The following TRIM37 variants were observed in gnomAD, a reference collection of about 807,000 sequenced individuals.
The protein encoded by TRIM37 is tripartite motif containing 37.
In TRIM37, 80 loss-of-function variants were observed where a neutral mutation model predicts 129.8. The observed-to-expected ratio is 0.62, with a 90% confidence interval of 0.51 to 0.74. The LOEUF is 0.74. Ranked by LOEUF, TRIM37 falls within the 30% of genes least tolerant of loss-of-function variation. The pLI is 0.00. For synonymous variants in TRIM37, 389 were observed against 387.1 expected, an observed-to-expected ratio of 1.00 and a Z score of -0.06; for missense variants, 1,054 against 1,176.5, an observed-to-expected ratio of 0.90 and a Z score of 1.52.
chr17:58,981,031 A>T, downstream of TRIM37: 1 of 1,576,978 alleles, frequency 6.3e-7, no homozygotes, highest in Non-Finnish European at 8.6e-7. Flanking sequence ...AAATAGAATA[A>T]TTTTTCTTTC....
rs1272817833 is a variant in TRIM37, at chr17:59,092,746, T to C, written c.124-1406A>G. Reference sequence around the variant, plus strand: ...CTCTTTCTACTTTTTAAAATGAACATGAGCTTTAACTTGATGCCAAATAAT... The same window carrying C: ...CTCTTTCTACTTTTTAAAATGAACACGAGCTTTAACTTGATGCCAAATAAT... On this transcript the variant is annotated intron_variant, in intron 2 of 23. Transcript: ENST00000262294. Among the ~76,000 whole-genome samples the C allele has an allele frequency of 2.0e-5, 3 of 152,182 alleles. No individual in the cohort carries two copies. In the South Asian group the frequency reaches 6.2e-4, roughly 32 times the overall value.
At chr17:59,011,633 C>T (rs1158043140) in intron 22 of TRIM37, among the ~76,000 whole-genome samples, 1 of 152,198 alleles carries the variant, frequency 6.6e-6, no homozygotes, top group African/African-American at 2.4e-5. Context: ...GTTCTAAGCA[C>T]CTCTGTTGCC....
At chr17:59,092,569 A>G (rs1388880059) in intron 2 of TRIM37, among the ~76,000 whole-genome samples, 1 of 152,064 alleles carries the variant, frequency 6.6e-6, no homozygotes, top group Non-Finnish European at 1.5e-5. Flanking sequence ...TACCACATAT[A>G]AAGGAGATGT....
At chr17:59,050,837 C>T (rs1314729848) in intron 14 of TRIM37, among the ~76,000 whole-genome samples, 5 of 151,706 alleles carry the variant, frequency 3.3e-5, no homozygotes, top group South Asian at 2.1e-4. Flanking sequence ...AAAATTAGCC[C>T]GGTGTGGTGG....
At chr17:59,042,445 A>ATATATATATATATATATATAT (rs1220676334) in intron 16 of TRIM37, among the ~76,000 whole-genome samples, 1 of 40,270 alleles carries the variant, frequency 2.5e-5, no homozygotes, top group Non-Finnish European at 4.8e-5. Context: ...AAAAAAAAAA[A>ATATATATATATATATATATAT]AAAAATATAT....
intron 18 of TRIM37, among the ~76,000 whole-genome samples, chr17:59,029,446 TA>T (rs2037596248): frequency 6.6e-6 from 1 of 152,232 alleles, no homozygotes; most frequent in African/African-American, 2.4e-5. Context: ...AACATGACTC[TA>T]GTTCTACTTA....
chr17:59,086,490 C>A (rs766819134), intron 4 of TRIM37, among the ~76,000 whole-genome samples: 1 of 152,130 alleles, frequency 6.6e-6, no homozygotes, highest in Non-Finnish European at 1.5e-5. Flanking sequence ...CCACCCACCC[C>A]GGCCTCCCAA....
intron 22 of TRIM37, among the ~76,000 whole-genome samples, chr17:59,004,053 G>GGTACA (rs2034146545): frequency 6.6e-6 from 1 of 152,028 alleles, no homozygotes; most frequent in African/African-American, 2.4e-5. Flanking sequence ...AGCCTGCAGT[G>GGTACA]AGCTATGATT....
rs773335485 is a variant in TRIM37, at chr17:59,088,268, G to A, written c.281+23C>T. 2.6e-6 allele frequency: 4 copies of A among 1,511,318 alleles called. No individual in the cohort carries two copies. The South Asian group carries it at 4.5e-5, about 17-fold the overall frequency. The allele number at this position is 1,511,318 out of a possible 1,614,324, so 93.6% of individuals were successfully genotyped here. A position where few individuals can be genotyped will look rare whatever the true frequency, so the allele number is the denominator to read the frequency against. On this transcript the variant is annotated intron_variant, in intron 4 of 23. Coordinates refer to ENST00000262294, the MANE Select transcript of TRIM37 (RefSeq NM_015294.6). ...ACAAAGGCAAAATCCATTCAATATT[G>A]AACAAAGAAATTGAGGACATACTTG...
intron 9 of TRIM37, among the ~76,000 whole-genome samples, chr17:59,067,772 G>A (rs539453259): frequency 7.4e-4 from 107 of 144,364 alleles, no homozygotes; most frequent in Non-Finnish European, 1.3e-3. Context: ...CTGACTTCAG[G>A]TGATCCGCCC....
At chr17:59,027,517 C>G (rs944313305) in intron 19 of TRIM37, among the ~76,000 whole-genome samples, 6 of 152,240 alleles carry the variant, frequency 3.9e-5, no homozygotes, top group Non-Finnish European at 8.8e-5. Context: ...TCAAGAAAGG[C>G]TGCTAGACTG....
At chr17:59,022,409 C>G (rs1174824924) in intron 19 of TRIM37, among the ~76,000 whole-genome samples, 1 of 152,118 alleles carries the variant, frequency 6.6e-6, no homozygotes, top group African/African-American at 2.4e-5. Context: ...TGATATAATT[C>G]TACACAGCTT....
downstream of TRIM37, chr17:58,982,549 G>A (rs921280872): frequency 4.3e-6 from 1 of 231,866 alleles, no homozygotes; most frequent in African/African-American, 2.3e-5. Context: ...CATAACAGAG[G>A]ACTAAAATCT....
intron 24 of TRIM37, among the ~76,000 whole-genome samples, chr17:58,990,464 CCAGG>C (rs1276466910): frequency 2.0e-5 from 3 of 151,450 alleles, no homozygotes. Context: ...GCACTCCAGC[CCAGG>C]TGACAGAGTG....
At chr17:58,969,356 C>G in the TRIM37 span, 1 of 710,076 alleles carries the variant, frequency 1.4e-6, no homozygotes, top group African/African-American at 1.7e-5. Context: ...CACAGATACC[C>G]TAATATTGCA....
At chr17:59,081,958 A>ATAAT (rs1555688920) in intron 5 of TRIM37, among the ~76,000 whole-genome samples, 30 of 125,032 alleles carry the variant, frequency 2.4e-4, no homozygotes, top group African/African-American at 6.5e-4. Flanking sequence ...AAAAATAAAA[A>ATAAT]AAAAAAAATA....
At chr17:59,010,602 C>T (rs1418857820) in intron 22 of TRIM37, among the ~76,000 whole-genome samples, 1 of 152,108 alleles carries the variant, frequency 6.6e-6, no homozygotes, top group Non-Finnish European at 1.5e-5. Flanking sequence ...AAGCAATTCT[C>T]CTGCCTCAGC....
the TRIM37 span, among the ~76,000 whole-genome samples, chr17:58,967,513 T>G: frequency 8.7e-5 from 13 of 149,374 alleles, no homozygotes; most frequent in African/African-American, 3.2e-4. Context: ...TGTATATATA[T>G]ATATATAGAG....
chr17:59,045,919 G>A (rs1271328748), intron 16 of TRIM37, among the ~76,000 whole-genome samples: 2 of 152,026 alleles, frequency 1.3e-5, no homozygotes, highest in Non-Finnish European at 2.9e-5. Flanking sequence ...GGGAGGCTGA[G>A]GTGGAAGGAT....
Sources: allele counts gnomAD v4.1 joint callset (sites outside exome capture counted in the v4.1 genomes callset), GRCh38; gene constraint gnomAD v4.1.1; transcripts MANE v1.5; gene names NCBI Gene and HGNC (gene_info 2026-07-23, HGNC 2026-07-21).